The following GDAP1 variants were observed in gnomAD, a reference collection of about 807,000 sequenced individuals.
The protein encoded by GDAP1 is ganglioside-induced differentiation-associated protein 1.
Under a neutral mutation model 40.1 loss-of-function variants are expected in GDAP1, and 34 were observed. That is an observed-to-expected ratio of 0.85 (90% CI 0.64 to 1.13). The LOEUF is 1.13. GDAP1 is among the 50% of genes most tolerant of loss of function. The probability of loss-of-function intolerance (pLI) is 0.00; values close to 1 mark genes in which losing one functional copy is unlikely to be tolerated. For synonymous variants in GDAP1, 170 were observed against 157.4 expected (o/e 1.08, Z -0.60); for missense variants, 374 against 433.7 (o/e 0.86, Z 1.22).
intron 2 of GDAP1, among the ~76,000 whole-genome samples, chr8:74,428,519 A>T (rs1367125432): frequency 3.4e-5 from 5 of 149,064 alleles, no homozygotes; most frequent in Non-Finnish European, 7.4e-5. Context: ...GCCCAGGCAG[A>T]GCAGTGTCAT....
At chr8:74,422,285 TTTTCTTTCTTTC>T (rs556852017) in intron 2 of GDAP1, among the ~76,000 whole-genome samples, 2,693 of 87,596 alleles carry the variant, frequency 0.031, 85 homozygotes, top group Non-Finnish European at 0.045. Flanking sequence ...TTCTTTTTTC[TTTTCTTTCTTTC>T]TTTCTTTCTT....
intron 2 of GDAP1, among the ~76,000 whole-genome samples, chr8:74,485,764 C>T (rs1180842180): frequency 6.6e-6 from 1 of 151,752 alleles, no homozygotes; most frequent in African/African-American, 2.4e-5. Context: ...CTGAGGAAAC[C>T]ACCTTGAATC....
In GDAP1 at chr8:74,446,000, G is replaced by A. The variant is rs561718705; in HGVS notation, c.166-42678G>A. On this transcript the variant is annotated intron_variant, in intron 2 of 2. Coordinates refer to the GDAP1 transcript ENST00000523640. Reference sequence around the variant, plus strand: ...ACCAGTTACCCTTTACAAGAAATATGCTAGTCTTTAGATTCAATAAAACTT... The same window carrying A: ...ACCAGTTACCCTTTACAAGAAATATACTAGTCTTTAGATTCAATAAAACTT... 2.6e-5 allele frequency among the ~76,000 whole-genome samples: 4 copies of A among 152,256 alleles called. No homozygotes were observed. In the South Asian group the frequency reaches 6.2e-4, roughly 24 times the overall value.
At chr8:74,361,323 A>C (rs1809350791) in intron 3 of GDAP1, among the ~76,000 whole-genome samples, 1 of 152,200 alleles carries the variant, frequency 6.6e-6, no homozygotes, top group South Asian at 2.1e-4. Flanking sequence ...GAGCACTGTA[A>C]AGTGCTGGGC....
chr8:74,399,899 A>G (rs1810291914), intron 2 of GDAP1, among the ~76,000 whole-genome samples: 1 of 144,172 alleles, frequency 6.9e-6, no homozygotes, highest in South Asian at 2.2e-4. Context: ...GTTTGATTGC[A>G]CTGTCGTCTG....
chr8:74,362,221 T>C (rs1809403114), intron 4 of GDAP1, among the ~76,000 whole-genome samples: 1 of 152,136 alleles, frequency 6.6e-6, no homozygotes. Flanking sequence ...AGTTATGAAA[T>C]GCAAAGGAAG....
chr8:74,467,993 A>G (rs1305876721), intron 2 of GDAP1, among the ~76,000 whole-genome samples: 2 of 151,928 alleles, frequency 1.3e-5, no homozygotes, highest in Admixed American at 6.6e-5. Context: ...TTTCAGATGC[A>G]TACCTAGTTG....
chr8:74,479,697 G>A (rs1806682100), intron 2 of GDAP1, among the ~76,000 whole-genome samples: 1 of 152,178 alleles, frequency 6.6e-6, no homozygotes, highest in Non-Finnish European at 1.5e-5. Context: ...TATGTGTGTA[G>A]CCAGCTGGTA....
At chr8:74,412,843 G>A (rs958830314) in intron 2 of GDAP1, among the ~76,000 whole-genome samples, 4 of 148,804 alleles carry the variant, frequency 2.7e-5, no homozygotes, top group Non-Finnish European at 5.9e-5. Flanking sequence ...TGGATCACAA[G>A]GTGAGGAGAT....
In GDAP1 at chr8:74,400,296, G is replaced by A. The variant is rs377375978; in HGVS notation, c.165+48975G>A. Among the ~76,000 whole-genome samples, 47 of 149,864 alleles carry A rather than the reference G, an allele frequency of 3.1e-4. 1 individual carries two copies. The highest frequency in any genetic ancestry group is 3.4e-3 in the Middle Eastern group (1 of 294). On this transcript the variant is annotated intron_variant, in intron 2 of 2. Transcript: ENST00000523640. Reference sequence around the variant, plus strand: ...TTCTTGTTGAATTGATCCCTTTACCGTTATGTAATGGCCTTCTTTGTCTCT... The same window carrying A: ...TTCTTGTTGAATTGATCCCTTTACCATTATGTAATGGCCTTCTTTGTCTCT...
At chr8:74,372,979 A>G (rs560775270) in intron 2 of GDAP1, among the ~76,000 whole-genome samples, 30 of 152,310 alleles carry the variant, frequency 2.0e-4, no homozygotes, top group Admixed American at 6.5e-4. Flanking sequence ...TCAGCTTTCT[A>G]CATATGGCTA....
Position 74,407,816 on chromosome 8 carries a change from C to T in GDAP1, c.165+56495C>T, listed in dbSNP as rs558446515. Among the ~76,000 whole-genome samples, 211 of 144,148 alleles carry T rather than the reference C, an allele frequency of 1.5e-3. 7 individuals are homozygous for T. The South Asian group carries it at 0.041, about 28-fold the overall frequency. The allele number at this position is 144,148 out of a possible 152,430, so 94.6% of individuals were successfully genotyped here. ...TGGCAATACCTTGACAATTGCAGGC[C>T]GCATTCCTGGTCAGAACTTCTGCCC... On this transcript the variant is annotated intron_variant, in intron 2 of 2. Transcript: ENST00000523640.
chr8:74,397,171 T>C (rs1158606485), intron 2 of GDAP1, among the ~76,000 whole-genome samples: 13 of 151,420 alleles, frequency 8.6e-5, no homozygotes, highest in Non-Finnish European at 8.8e-5. Context: ...GAAGTGTCTG[T>C]TCATGTCCTT....
At chr8:74,470,177 A>G (rs1278784981) in intron 2 of GDAP1, among the ~76,000 whole-genome samples, 1 of 151,542 alleles carries the variant, frequency 6.6e-6, no homozygotes, top group Non-Finnish European at 1.5e-5. Context: ...TTTCAAATTT[A>G]TTTGCTTGGT....
At chr8:74,441,347 G>C (rs938363023) in intron 2 of GDAP1, among the ~76,000 whole-genome samples, 2 of 151,994 alleles carry the variant, frequency 1.3e-5, no homozygotes, top group Non-Finnish European at 2.9e-5. Flanking sequence ...ATTTAAAAAG[G>C]GTGTACCATG....
At chr8:74,395,234 C>T (rs929150615) in intron 2 of GDAP1, among the ~76,000 whole-genome samples, 4 of 152,124 alleles carry the variant, frequency 2.6e-5, no homozygotes, top group African/African-American at 2.4e-5. Context: ...ACTTCAATAA[C>T]ATATTTCAAA....
At chr8:74,389,316 G>T (rs541148262) in intron 2 of GDAP1, among the ~76,000 whole-genome samples, 1 of 152,236 alleles carries the variant, frequency 6.6e-6, no homozygotes, top group East Asian at 1.9e-4. Flanking sequence ...GCTGGTACTG[G>T]TTTTTCCTTT....
At chr8:74,416,523 A>T (rs887163849) in intron 2 of GDAP1, among the ~76,000 whole-genome samples, 1 of 150,308 alleles carries the variant, frequency 6.7e-6, no homozygotes. Context: ...TGTTCTGTCC[A>T]CATGACTAGT....
chr8:74,398,367 G>A (rs1810248542), intron 2 of GDAP1, among the ~76,000 whole-genome samples: 1 of 152,078 alleles, frequency 6.6e-6, no homozygotes, highest in Non-Finnish European at 1.5e-5. Context: ...GTCTCTGCAT[G>A]TGAGATGGGT....
Sources: allele counts gnomAD v4.1 joint callset (sites outside exome capture counted in the v4.1 genomes callset), GRCh38; gene constraint gnomAD v4.1.1; transcripts MANE v1.5; gene names NCBI Gene and HGNC (gene_info 2026-07-23, HGNC 2026-07-21).